DGKB: variants seen among roughly 807,000 people sequenced by gnomAD.
DGKB encodes the protein diacylglycerol kinase beta.
Under a neutral mutation model 114.3 loss-of-function variants are expected in DGKB, and 67 were observed. The observed-to-expected ratio is 0.59, with a 90% confidence interval of 0.48 to 0.72. DGKB has a LOEUF of 0.72. Among genes scored for constraint, DGKB ranks in the 30% least tolerant of loss-of-function variants. DGKB has a pLI of 0.00. For missense variants in DGKB, 907 were observed against 975.2 expected (o/e 0.93, Z 0.93); for synonymous variants, 398 against 323.1 (o/e 1.23, Z -2.49).
intron 21 of DGKB, among the ~76,000 whole-genome samples, chr7:14,348,007 G>T (rs1476510502): frequency 2.0e-5 from 3 of 151,896 alleles, no homozygotes; most frequent in East Asian, 3.9e-4. Context: ...AGTCCAATGT[G>T]CCCATTACAG....
intron 21 of DGKB, among the ~76,000 whole-genome samples, chr7:14,390,778 A>G (rs1432278759): frequency 6.6e-6 from 1 of 152,222 alleles, no homozygotes; most frequent in Non-Finnish European, 1.5e-5. Context: ...TTAAAGTAAA[A>G]TTATCACAAC....
intron 24 of DGKB, among the ~76,000 whole-genome samples, chr7:14,177,554 C>CAAAAAA (rs56019837): frequency 7.0e-4 from 48 of 69,026 alleles, no homozygotes; most frequent in African/African-American, 1.0e-3. Flanking sequence ...AACTCCGTCT[C>CAAAAAA]AAAAAAAAAA....
At chr7:14,469,879 T>C (rs1458721439) in intron 21 of DGKB, among the ~76,000 whole-genome samples, 3 of 151,966 alleles carry the variant, frequency 2.0e-5, no homozygotes, top group African/African-American at 7.2e-5. Flanking sequence ...AATATATATG[T>C]ATACAAATAT....
At chr7:14,880,507 G>A (rs1854058482) in intron 1 of DGKB, among the ~76,000 whole-genome samples, 1 of 152,120 alleles carries the variant, frequency 6.6e-6, no homozygotes. Flanking sequence ...GTTTCTAGAT[G>A]AAGCAATGGA....
intron 23 of DGKB, among the ~76,000 whole-genome samples, chr7:14,181,744 A>G (rs559344412): frequency 5.4e-4 from 82 of 152,322 alleles, no homozygotes; most frequent in African/African-American, 1.9e-3. Context: ...GTGTCTATCT[A>G]GAGGAAGACG....
At chr7:14,380,591 T>C (rs1819285853) in intron 21 of DGKB, among the ~76,000 whole-genome samples, 1 of 152,244 alleles carries the variant, frequency 6.6e-6, no homozygotes, top group South Asian at 2.1e-4. Context: ...ATGTGGTTAA[T>C]TATCACAACA....
At chr7:14,244,024 TGA>T (rs1009884153) in intron 23 of DGKB, among the ~76,000 whole-genome samples, 2 of 148,310 alleles carry the variant, frequency 1.3e-5, no homozygotes, top group Non-Finnish European at 3.0e-5. Flanking sequence ...TGAGAGATTC[TGA>T]GAGAGAGAGA....
intron 4 of DGKB, among the ~76,000 whole-genome samples, chr7:14,737,690 T>C (rs1831940276): frequency 6.6e-6 from 1 of 152,158 alleles, no homozygotes; most frequent in Non-Finnish European, 1.5e-5. Flanking sequence ...TTTTATTTAG[T>C]TTCACTTTGC....
At chr7:14,672,454 ATT>A (rs978953083) in intron 13 of DGKB, among the ~76,000 whole-genome samples, 3 of 150,742 alleles carry the variant, frequency 2.0e-5, no homozygotes, top group African/African-American at 7.3e-5. Flanking sequence ...GTTCAATAAA[ATT>A]TTTTTTTTAA....
At chr7:14,598,636 T>G (rs891019368) in intron 17 of DGKB, among the ~76,000 whole-genome samples, 1 of 152,358 alleles carries the variant, frequency 6.6e-6, no homozygotes. Context: ...CTATTTTTTG[T>G]TTTGAAATTC....
intron 1 of DGKB, among the ~76,000 whole-genome samples, chr7:14,845,325 T>A (rs1368579531): frequency 6.6e-6 from 1 of 152,176 alleles, no homozygotes; most frequent in Non-Finnish European, 1.5e-5. Context: ...TTTTTTACAT[T>A]TGTTTTGAAT....
chr7:14,458,830 G>A (rs143885623), intron 21 of DGKB, among the ~76,000 whole-genome samples: 5 of 152,066 alleles, frequency 3.3e-5, no homozygotes, highest in East Asian at 1.9e-4. Flanking sequence ...CCCTGGTGGC[G>A]CCTGGAATAC....
intron 21 of DGKB, among the ~76,000 whole-genome samples, chr7:14,401,373 A>G (rs1372755403): frequency 6.6e-6 from 1 of 151,902 alleles, no homozygotes; most frequent in Non-Finnish European, 1.5e-5. Flanking sequence ...AACACAAGAG[A>G]GCCAACATAA....
At chr7:14,699,135 A>G (rs1824649438) in intron 7 of DGKB, among the ~76,000 whole-genome samples, 1 of 151,772 alleles carries the variant, frequency 6.6e-6, no homozygotes, top group Non-Finnish European at 1.5e-5. Flanking sequence ...TCCAGAAAAA[A>G]AAAATATAAT....
At chr7:14,318,625 A>G (rs1182432290) in intron 23 of DGKB, among the ~76,000 whole-genome samples, 1 of 152,102 alleles carries the variant, frequency 6.6e-6, no homozygotes, top group African/African-American at 2.4e-5. Flanking sequence ...ATCATTAAAA[A>G]GTCAGGAAAC....
Position 14,304,046 on chromosome 7 carries a change from A to AACACAC in DGKB, c.2122+34463_2122+34468dup, listed in dbSNP as rs773102280. Among the ~76,000 whole-genome samples the AACACAC allele has an allele frequency of 4.3e-3, 481 of 112,694 alleles. 6 individuals are homozygous for AACACAC. The highest frequency in any genetic ancestry group is 0.015 in the African/African-American group (419 of 28,818). 73.9% of individuals were successfully genotyped at this position (112,694 alleles called of 152,430 possible). Reference sequence around the variant, plus strand: ...TATTATACACCATTTGTTCTTATAGAACACACACACACACACACACACACA... The same window carrying AACACAC: ...TATTATACACCATTTGTTCTTATAGAACACACACACACACACACACACACACACACA... On this transcript the variant is annotated intron_variant, in intron 23 of 25. Coordinates refer to ENST00000402815, the MANE Select transcript of DGKB (RefSeq NM_001350709.2).
rs535484909 is a variant in DGKB, at chr7:14,288,726, C to A, written c.2122+49789G>T. Among the ~76,000 whole-genome samples, 9 of 152,212 alleles carry A rather than the reference C, an allele frequency of 5.9e-5. No individual in the cohort carries two copies. In the East Asian group the frequency reaches 1.7e-3, roughly 30 times the overall value. On this transcript the variant is annotated intron_variant, in intron 23 of 25. Transcript: ENST00000402815. ...TGTTAGTCAGACTCCATGGGCAATT[C>A]CCTCAATGTTTTCATTGTTTACATG...
At chr7:14,272,518 A>G (rs958109932) in intron 23 of DGKB, among the ~76,000 whole-genome samples, 10 of 152,244 alleles carry the variant, frequency 6.6e-5, no homozygotes, top group Non-Finnish European at 1.5e-4. Flanking sequence ...ATTGAGATTT[A>G]TATCTTTGAA....
intron 14 of DGKB, among the ~76,000 whole-genome samples, chr7:14,627,963 C>A (rs1419686773): frequency 2.1e-5 from 3 of 141,688 alleles, no homozygotes; most frequent in East Asian, 2.0e-4. Flanking sequence ...AAAAAAAAAA[C>A]AACAAAAAAA....
Sources: gnomAD v4.1 joint callset for allele counts (sites outside exome capture counted in the v4.1 genomes callset) on GRCh38, gnomAD v4.1.1 for gene constraint, MANE v1.5 for transcripts, NCBI Gene and HGNC (gene_info 2026-07-23, HGNC 2026-07-21) for gene names.